STAT5B: variants seen among roughly 807,000 people sequenced by gnomAD.
The protein encoded by STAT5B is transcription factor STAT5B.
In STAT5B, 21 loss-of-function variants were observed where a neutral mutation model predicts 107.8. The observed-to-expected ratio is 0.19, with a 90% CI of 0.14 to 0.28. The LOEUF (loss-of-function observed/expected upper bound fraction) is 0.28. STAT5B is among the 10% of genes least tolerant of loss of function. The probability of loss-of-function intolerance (pLI) is 1.00; values close to 1 mark genes in which losing one functional copy is unlikely to be tolerated. For synonymous variants in STAT5B, 325 were observed against 401.7 expected (o/e 0.81, Z 2.28); for missense variants, 565 against 1,008.2 (o/e 0.56, Z 5.95).
Position 42,219,787 on chromosome 17 carries a change from C to T in STAT5B, c.606G>A (p.Thr202=), listed in dbSNP as rs1448866621. ...GAGACACCTGCTTCTGCTGGAGGGC[C>T]GTCTCCCGGCTCAGACGCTCCTGGG... ...LSPQERLSRE[T]ALQQKQVSLE... is the part of the protein sequence containing the mutation. The change falls in exon 6 of 19, where the codon ACG becomes ACA. Residue 202 remains threonine, a synonymous_variant. Transcript: ENST00000293328. 12 of 1,613,624 alleles carry T rather than the reference C, an allele frequency of 7.4e-6. No individual in the cohort carries two copies. Among genetic ancestry groups the T allele is most frequent in the South Asian group, 2.2e-5 (2 of 91,054 alleles).
At chr17:42,269,143 G>A (rs1303416442) in intron 1 of STAT5B, among the ~76,000 whole-genome samples, 3 of 152,048 alleles carry the variant, frequency 2.0e-5, no homozygotes, top group Non-Finnish European at 1.5e-5. Context: ...GTGCGATCTC[G>A]GCTCACTGTA....
the STAT5B span, among the ~76,000 whole-genome samples, chr17:42,283,091 C>T: frequency 6.6e-6 from 1 of 152,232 alleles, no homozygotes; most frequent in Non-Finnish European, 1.5e-5. Flanking sequence ...GGAAGATGCT[C>T]AGCCCCCTCG....
chr17:42,218,353 T>C (rs764503928), intron 8 of STAT5B, 23 bp from the exon 9 acceptor site: 165 of 1,606,782 alleles, frequency 1.0e-4, no homozygotes, highest in Admixed American at 2.0e-4. Flanking sequence ...CAGGGACAGA[T>C]GCATGATGAG....
chr17:42,256,248 T>A (rs1426587513), intron 1 of STAT5B, among the ~76,000 whole-genome samples: 5 of 151,844 alleles, frequency 3.3e-5, no homozygotes, highest in Non-Finnish European at 7.4e-5. Flanking sequence ...TTCTCCCCCA[T>A]CCCCCCAACT....
At chr17:42,264,102 G>A (rs1369974726) in intron 1 of STAT5B, among the ~76,000 whole-genome samples, 1 of 151,982 alleles carries the variant, frequency 6.6e-6, no homozygotes, top group Non-Finnish European at 1.5e-5. Context: ...CTATACACAG[G>A]TGTAATAAAT....
upstream of STAT5B, among the ~76,000 whole-genome samples, chr17:42,281,089 G>A (rs894616657): frequency 3.3e-5 from 5 of 151,388 alleles, no homozygotes; most frequent in Admixed American, 6.6e-5. Flanking sequence ...AGCAGAGATC[G>A]CGCCACTGCA....
At chr17:42,277,477 A>G (rs1020963522), upstream of STAT5B, among the ~76,000 whole-genome samples, 1 of 152,088 alleles carries the variant, frequency 6.6e-6, no homozygotes, top group Non-Finnish European at 1.5e-5. Flanking sequence ...TCACCTCCAG[A>G]ATGACACCAG....
intron 13 of STAT5B, among the ~76,000 whole-genome samples, chr17:42,211,434 A>G (rs959355518): frequency 1.3e-5 from 2 of 151,906 alleles, no homozygotes; most frequent in African/African-American, 4.8e-5. Flanking sequence ...TGAAACCAGG[A>G]GGCGGCGGTT....
Position 42,224,787 on chromosome 17 carries a change from C to G in STAT5B, c.367G>C (p.Ala123Pro). ...CCCTATGGGACACTCACATTGTTGGCTTCTCGGACCAACCTCTGTTCATTG... is the reference window on the plus strand; with the variant it reads ...CCCTATGGGACACTCACATTGTTGGGTTCTCGGACCAACCTCTGTTCATTG... ...LYNEQRLVRE[A>P]NNGSSPAGSL... Residue 123 changes from alanine to proline, a missense_variant, in exon 4 of 19, where the codon GCC becomes CCC. Physicochemically the swap from Ala to Pro is conservative, Grantham distance 27. Coordinates refer to ENST00000293328, the MANE Select transcript of STAT5B (RefSeq NM_012448.4). 6.2e-7 allele frequency: 1 copy of G among 1,613,830 alleles called. No homozygotes were observed. The highest frequency in any genetic ancestry group is 8.5e-7 in the Non-Finnish European group (1 of 1,179,822).
At chr17:42,259,767 G>T (rs976974767) in intron 1 of STAT5B, among the ~76,000 whole-genome samples, 1 of 151,638 alleles carries the variant, frequency 6.6e-6, no homozygotes, top group Admixed American at 6.6e-5. Flanking sequence ...GCAAAATAGC[G>T]AGATTCTGTC....
Position 42,201,619 on chromosome 17 carries a change from AT to A in STAT5B, c.*118del. 1 of 806,570 alleles carries A rather than the reference AT, an allele frequency of 1.2e-6. No homozygotes were observed. The highest frequency in any genetic ancestry group is 2.2e-6 in the Non-Finnish European group (1 of 460,608). 50.0% of individuals were successfully genotyped at this position (806,570 alleles called of 1,614,324 possible). On this transcript the variant is annotated 3_prime_UTR_variant, in exon 19 of 19. Transcript: ENST00000293328. ...CAGAAACACTAAGGTCACAACTAGT[AT>A]TAACACTTCACATTATGAGTATTGT...
At chr17:42,223,940 C>T (rs1016468272) in intron 4 of STAT5B, among the ~76,000 whole-genome samples, 7 of 152,124 alleles carry the variant, frequency 4.6e-5, no homozygotes, top group African/African-American at 7.2e-5. Flanking sequence ...AATGCAAGGA[C>T]GGCATTAAGC....
intron 3 of STAT5B, among the ~76,000 whole-genome samples, chr17:42,227,087 A>G (rs868243852): frequency 6.6e-6 from 1 of 150,878 alleles, no homozygotes; most frequent in African/African-American, 2.4e-5. Context: ...GTGAGCTGAG[A>G]TTGCTCCACT....
At chr17:42,245,812 C>T (rs1274295047) in intron 1 of STAT5B, among the ~76,000 whole-genome samples, 2 of 151,986 alleles carry the variant, frequency 1.3e-5, no homozygotes, top group African/African-American at 4.8e-5. Context: ...GCGTGAGCCA[C>T]CCCGCCCAGC....
In STAT5B at chr17:42,223,692, C is replaced by G. The variant is rs900819474; in HGVS notation, c.376-136G>C. 11 of 1,011,158 alleles carry G rather than the reference C, an allele frequency of 1.1e-5. No homozygotes were observed. In the African/African-American group the frequency reaches 1.8e-4, roughly 16 times the overall value. 62.6% of individuals were successfully genotyped at this position (1,011,158 alleles called of 1,614,324 possible). On this transcript the variant is annotated intron_variant, in intron 4 of 18. Coordinates refer to ENST00000293328, the MANE Select transcript of STAT5B (RefSeq NM_012448.4). ...ATTTTGAGTCGGGAGGAAAAGCAAA[C>G]GTCATCATGAGACACAGGGTGGAGT...
intron 1 of STAT5B, among the ~76,000 whole-genome samples, chr17:42,244,680 G>C (rs2080435941): frequency 6.6e-6 from 1 of 151,980 alleles, no homozygotes; most frequent in South Asian, 2.1e-4. Context: ...ACAGTGTTTA[G>C]TTTCTACCTA....
chr17:42,224,779 A>T lies in STAT5B; in HGVS notation c.375T>A (p.Asn125Lys). The T allele has an allele frequency of 6.2e-7, 1 of 1,613,758 alleles. No individual in the cohort carries two copies. The highest frequency in any genetic ancestry group is 1.1e-5 in the South Asian group (1 of 91,070). ...NEQRLVREAN[N>K]GSSPAGSLAD... The stretch of plus-strand genomic sequence containing the variant: ...CTCCCCATCCCTATGGGACACTCAC[A>T]TTGTTGGCTTCTCGGACCAACCTCT... Residue 125 changes from asparagine to lysine, a missense_variant and splice_region_variant, in exon 4 of 19, where the codon AAT (asparagine) becomes AAA (lysine). Transcript: ENST00000293328.
intron 5 of STAT5B, 106 bp downstream of exon 5, chr17:42,223,276 G>A (rs868241452): frequency 9.1e-6 from 14 of 1,533,836 alleles, no homozygotes; most frequent in African/African-American, 5.5e-5. Flanking sequence ...GAGAAAGGTC[G>A]CTGCCTCCGA....
At chr17:42,231,776 C>T (rs1259219857) in intron 2 of STAT5B, among the ~76,000 whole-genome samples, 1 of 152,154 alleles carries the variant, frequency 6.6e-6, no homozygotes, top group Admixed American at 6.6e-5. Flanking sequence ...GGGAACAAAT[C>T]CTGTTTTAAA....
Sources: gnomAD v4.1 joint callset for allele counts (sites outside exome capture counted in the v4.1 genomes callset) on GRCh38, gnomAD v4.1.1 for gene constraint, MANE v1.5 for transcripts, NCBI Gene and HGNC (gene_info 2026-07-23, HGNC 2026-07-21) for gene names.